The following TSHZ2 variants were observed in gnomAD, a reference collection of about 807,000 sequenced individuals.
TSHZ2 encodes the protein teashirt zinc finger homeobox 2.
A neutral mutation model predicts 74.4 loss-of-function variants in TSHZ2; 21 were observed. That is an observed-to-expected ratio of 0.28 (90% confidence interval 0.20 to 0.41). TSHZ2 has a LOEUF of 0.41. TSHZ2 is among the 10% of genes least tolerant of loss of function. TSHZ2 has a pLI of 1.00. For synonymous variants in TSHZ2, 540 were observed against 515.3 expected (o/e 1.05, Z -0.65); for missense variants, 1,244 against 1,293.5 (o/e 0.96, Z 0.59).
intron 2 of TSHZ2, among the ~76,000 whole-genome samples, chr20:53,471,803 C>CTTTTTTTTTTT: frequency 1.1e-5 from 1 of 87,284 alleles, no homozygotes; most frequent in East Asian, 3.5e-4. Context: ...CTTTTCTTTT[C>CTTTTTTTTTTT]TTTTTTTTTT....
At chr20:53,277,173 A>G (rs1483021874) in intron 2 of TSHZ2, among the ~76,000 whole-genome samples, 3 of 152,218 alleles carry the variant, frequency 2.0e-5, no homozygotes, top group Non-Finnish European at 4.4e-5. Flanking sequence ...ACCGGCTATC[A>G]AGGGAAGAGG....
intron 2 of TSHZ2, among the ~76,000 whole-genome samples, chr20:53,414,419 A>T (rs891399030): frequency 1.3e-5 from 2 of 152,168 alleles, no homozygotes; most frequent in African/African-American, 4.8e-5. Context: ...CAGGAGTTTG[A>T]GACCAGCCTA....
intron 2 of TSHZ2, among the ~76,000 whole-genome samples, chr20:53,460,454 G>T (rs200034850): frequency 2.6e-5 from 4 of 152,050 alleles, no homozygotes; most frequent in Admixed American, 2.0e-4. Context: ...TTCTTCTAAA[G>T]TTTTTTCAAA....
intron 1 of TSHZ2, among the ~76,000 whole-genome samples, chr20:53,230,755 G>C (rs1044685779): frequency 6.6e-6 from 1 of 152,000 alleles, no homozygotes. Flanking sequence ...AGCTGGGCGT[G>C]GTGGTGGCCA....
intron 2 of TSHZ2, among the ~76,000 whole-genome samples, chr20:53,442,449 G>A (rs562716836): frequency 9.2e-5 from 14 of 152,120 alleles, no homozygotes; most frequent in African/African-American, 2.9e-4. Context: ...ACTGCTGAGC[G>A]GGGGCTTAGG....
At chr20:53,392,407 G>A (rs1040769153) in intron 2 of TSHZ2, among the ~76,000 whole-genome samples, 1 of 152,186 alleles carries the variant, frequency 6.6e-6, no homozygotes, top group Non-Finnish European at 1.5e-5. Flanking sequence ...TTGTGCCACT[G>A]CACTCCAGCC....
chr20:53,297,295 G>A (rs6097341), intron 2 of TSHZ2, among the ~76,000 whole-genome samples: 1 of 137,146 alleles, frequency 7.3e-6, no homozygotes, highest in Non-Finnish European at 1.5e-5. Context: ...TTGTTACTCA[G>A]GCTTGAGTGC....
At chr20:53,169,997 C>T (rs1988158064) in intron 1 of TSHZ2, among the ~76,000 whole-genome samples, 1 of 152,062 alleles carries the variant, frequency 6.6e-6, no homozygotes, top group Non-Finnish European at 1.5e-5. Context: ...TGCATACCAC[C>T]ATTGAAGACA....
At chr20:53,092,378 T>A (rs992527959) in intron 1 of TSHZ2, among the ~76,000 whole-genome samples, 5 of 152,138 alleles carry the variant, frequency 3.3e-5, no homozygotes, top group African/African-American at 1.2e-4. Context: ...CACCAGATGA[T>A]GTTTTATCAG....
At chr20:53,036,173 C>T (rs1266862029) in intron 1 of TSHZ2, among the ~76,000 whole-genome samples, 1 of 152,058 alleles carries the variant, frequency 6.6e-6, no homozygotes, top group Admixed American at 6.5e-5. Context: ...TTAATTTGAC[C>T]CACATGTACT....
chr20:53,148,049 T>G (rs1479778655), intron 1 of TSHZ2, among the ~76,000 whole-genome samples: 2 of 152,220 alleles, frequency 1.3e-5, no homozygotes, highest in Admixed American at 1.3e-4. Flanking sequence ...TTTGTGTTGT[T>G]GTTACACAGC....
At chr20:53,166,235 T>A (rs979150063) in intron 1 of TSHZ2, among the ~76,000 whole-genome samples, 3 of 152,204 alleles carry the variant, frequency 2.0e-5, no homozygotes, top group African/African-American at 7.2e-5. Flanking sequence ...ATTAATCAAG[T>A]TAGTTTTGAT....
chr20:53,446,534 G>A (rs1984553731), intron 2 of TSHZ2, among the ~76,000 whole-genome samples: 2 of 145,496 alleles, frequency 1.4e-5, no homozygotes, highest in Non-Finnish European at 3.0e-5. Context: ...AGTCAAGATC[G>A]CACCACTGCA....
intron 1 of TSHZ2, among the ~76,000 whole-genome samples, chr20:53,001,319 A>T (rs533712888): frequency 1.3e-5 from 2 of 151,152 alleles, no homozygotes; most frequent in African/African-American, 2.4e-5. Flanking sequence ...TTGAAGCTTC[A>T]GTTCAGCAGC....
At chr20:53,308,626 G>A (rs192020195) in intron 2 of TSHZ2, among the ~76,000 whole-genome samples, 8 of 152,250 alleles carry the variant, frequency 5.3e-5, no homozygotes, top group Admixed American at 5.2e-4. Context: ...TGAAAAATAC[G>A]TATTTAGCCT....
chr20:53,352,453 C>T (rs1264686392), intron 2 of TSHZ2, among the ~76,000 whole-genome samples: 5 of 152,008 alleles, frequency 3.3e-5, no homozygotes, highest in Non-Finnish European at 7.4e-5. Flanking sequence ...ATATGCACTT[C>T]ATCAAAGGGA....
At chr20:53,112,002 CTG>C (rs1467280589) in intron 1 of TSHZ2, among the ~76,000 whole-genome samples, 1 of 152,212 alleles carries the variant, frequency 6.6e-6, no homozygotes, top group Admixed American at 6.5e-5. Context: ...CTAACCCTGA[CTG>C]TCTCCACACC....
At chr20:53,383,155 C>T (rs1022400076) in intron 2 of TSHZ2, among the ~76,000 whole-genome samples, 1 of 151,630 alleles carries the variant, frequency 6.6e-6, no homozygotes, top group African/African-American at 2.4e-5. Context: ...CCCAGCTACT[C>T]GGGAGGCTGA....
chr20:53,399,079 C>T (rs1982559497), intron 2 of TSHZ2: 1 of 152,190 alleles, frequency 6.6e-6, no homozygotes, highest in Admixed American at 6.5e-5. Flanking sequence ...GAACTTTAAC[C>T]TAACACCATG....
Sources: allele counts gnomAD v4.1 joint callset (sites outside exome capture counted in the v4.1 genomes callset), GRCh38; gene constraint gnomAD v4.1.1; transcripts MANE v1.5; gene names NCBI Gene and HGNC (gene_info 2026-07-23, HGNC 2026-07-21).